Variants in SPATA6 observed in about 807,000 individuals in gnomAD.
SPATA6 encodes the protein spermatogenesis associated 6.
A neutral mutation model predicts 65.3 loss-of-function variants in SPATA6; 56 were observed. The observed-to-expected ratio is 0.86, with a 90% confidence interval of 0.69 to 1.07. The LOEUF is 1.07. Ranked by LOEUF, SPATA6 falls within the 50% of genes least tolerant of loss-of-function variation. SPATA6 has a pLI of 0.00. For missense variants in SPATA6, 590 were observed against 594.8 expected, an observed-to-expected ratio of 0.99 and a Z score of 0.08; for synonymous variants, 199 against 213.2, an observed-to-expected ratio of 0.93 and a Z score of 0.58.
the SPATA6 span, among the ~76,000 whole-genome samples, chr1:48,273,250 C>T: frequency 6.6e-6 from 1 of 152,200 alleles, no homozygotes; most frequent in Admixed American, 6.5e-5. Context: ...TCAAGTTTTA[C>T]ATTTAAGTCA....
rs1162212985 is a variant in SPATA6, at chr1:48,355,714, T to C, written c.1150A>G (p.Lys384Glu). Residue 384 changes from lysine (K) to glutamate (E), a missense_variant, in exon 11 of 13, where the codon AAA becomes GAA. Transcript: ENST00000371847. ...SNCDEIHDRV[K>E]NVLKSHQAHQ... ...GCCTGATGTGATTTCAAGACATTTT[T>C]TACCCGGTCATGGATCTCATCGCAG... 1 of 1,613,194 alleles carries C rather than the reference T, an allele frequency of 6.2e-7. No homozygotes were observed. Among genetic ancestry groups the C allele is most frequent in the African/African-American group, 1.3e-5 (1 of 74,894 alleles).
chr1:48,373,582 C>T (rs1170870925), intron 9 of SPATA6, among the ~76,000 whole-genome samples: 1 of 152,178 alleles, frequency 6.6e-6, no homozygotes, highest in Non-Finnish European at 1.5e-5. Flanking sequence ...AGCAACGCCC[C>T]ACTCTACTGG....
chr1:48,334,765 T>C (rs1646013851), intron 11 of SPATA6, among the ~76,000 whole-genome samples: 1 of 152,084 alleles, frequency 6.6e-6, no homozygotes, highest in Non-Finnish European at 1.5e-5. Flanking sequence ...TTCAACATAG[T>C]ATTTTAAGTC....
At chr1:48,391,687 T>C (rs1035145543) in intron 8 of SPATA6, among the ~76,000 whole-genome samples, 4 of 152,198 alleles carry the variant, frequency 2.6e-5, no homozygotes, top group Non-Finnish European at 5.9e-5. Context: ...TCATGGCCCA[T>C]GGCTGTGAAG....
chr1:48,352,352 T>C (rs765933281), intron 11 of SPATA6, among the ~76,000 whole-genome samples: 3 of 152,082 alleles, frequency 2.0e-5, no homozygotes, highest in Admixed American at 6.6e-5. Flanking sequence ...ATATCATTTA[T>C]AGTAGTTTGT....
Position 48,352,084 on chromosome 1 carries a change from G to A in SPATA6, c.1194+3586C>T, listed in dbSNP as rs542145740. On this transcript the variant is annotated intron_variant, in intron 11 of 12. Coordinates refer to ENST00000371847, the MANE Select transcript of SPATA6 (RefSeq NM_019073.4). ...GGTATAATTGGACTTACAGTTCCAC[G>A]TGGCTGGGGAAGCCTCACAATCATG... is the stretch of plus-strand genomic sequence containing the variant. Among the ~76,000 whole-genome samples, 6 of 152,102 alleles carry A rather than the reference G, an allele frequency of 3.9e-5. No individual in the cohort carries two copies. In the South Asian group the frequency reaches 1.0e-3, roughly 26 times the overall value.
intron 8 of SPATA6, 99 bp from the exon 9 acceptor site, chr1:48,385,448 T>TTTCA (rs761769311): frequency 8.6e-6 from 9 of 1,045,448 alleles, no homozygotes; most frequent in Middle Eastern, 2.5e-4. Flanking sequence ...ACTCAGAATA[T>TTTCA]TTCAGAGATA....
chr1:48,411,336 C>A, intron 5 of SPATA6, 128 bp downstream of exon 5: 1 of 1,083,282 alleles, frequency 9.2e-7, no homozygotes, highest in Non-Finnish European at 1.2e-6. Context: ...ATTTAAACTA[C>A]AAAACAATTA....
At chr1:48,293,803 G>A (rs1300154819), downstream of SPATA6, among the ~76,000 whole-genome samples, 1 of 152,118 alleles carries the variant, frequency 6.6e-6, no homozygotes, top group Non-Finnish European at 1.5e-5. Context: ...GTAAATGCCA[G>A]TCTCTCCCCA....
intron 5 of SPATA6, among the ~76,000 whole-genome samples, chr1:48,409,985 C>T (rs781741491): frequency 2.6e-5 from 4 of 152,246 alleles, no homozygotes; most frequent in Non-Finnish European, 5.9e-5. Context: ...ACATTCAGCT[C>T]CTTGTTACTT....
intron 9 of SPATA6, among the ~76,000 whole-genome samples, chr1:48,381,805 T>C (rs1461168945): frequency 6.8e-6 from 1 of 147,092 alleles, no homozygotes; most frequent in Non-Finnish European, 1.5e-5. Context: ...GATAAACAAG[T>C]GAACAAAGGT....
intron 11 of SPATA6, chr1:48,325,275 T>A: frequency 2.1e-6 from 2 of 932,774 alleles, no homozygotes; most frequent in East Asian, 4.8e-5. Flanking sequence ...AAGCCACCAA[T>A]GAGTGCTGTC....
intron 9 of SPATA6, among the ~76,000 whole-genome samples, chr1:48,381,194 C>T (rs1648532710): frequency 6.6e-6 from 1 of 152,154 alleles, no homozygotes; most frequent in Admixed American, 6.5e-5. Context: ...CCACAGACAA[C>T]TACTCGTCTG....
chr1:48,445,255 T>C (rs190266191), intron 3 of SPATA6, among the ~76,000 whole-genome samples: 113 of 152,324 alleles, frequency 7.4e-4, no homozygotes, highest in African/African-American at 2.6e-3. Flanking sequence ...CATTCTGTGT[T>C]TAAATTTAAA....
At position 48,461,043 on chromosome 1, in the gene SPATA6, T is replaced by C. The variant is rs1042876258; in HGVS notation, c.52-7912A>G. ...AGTTCCAATACATATCTAATAGTAC[T>C]GCCAGAAGGTAAGACAGGAGAGAAC... On this transcript the variant is annotated intron_variant, in intron 1 of 12. Coordinates refer to ENST00000371847, the MANE Select transcript of SPATA6 (RefSeq NM_019073.4). 9.8e-5 allele frequency among the ~76,000 whole-genome samples: 15 copies of C among 152,288 alleles called. No homozygotes were observed. In the South Asian group the frequency reaches 3.1e-3, roughly 32 times the overall value.
At chr1:48,333,484 G>A (rs544572037) in intron 11 of SPATA6, among the ~76,000 whole-genome samples, 2 of 152,240 alleles carry the variant, frequency 1.3e-5, no homozygotes, top group African/African-American at 4.8e-5. Context: ...GTAATCATGT[G>A]AGTCAACTCT....
chr1:48,283,039 T>A, the SPATA6 span, among the ~76,000 whole-genome samples: 21 of 152,170 alleles, frequency 1.4e-4, no homozygotes, highest in Non-Finnish European at 2.6e-4. Flanking sequence ...TGTAGGGACG[T>A]GGGTGAAATT....
At chr1:48,393,064 A>G (rs960197411) in intron 8 of SPATA6, among the ~76,000 whole-genome samples, 27 of 152,168 alleles carry the variant, frequency 1.8e-4, no homozygotes, top group African/African-American at 6.5e-4. Flanking sequence ...AAATTGTTTC[A>G]GGCAACAGTA....
At chr1:48,437,185 G>C in intron 3 of SPATA6, 1 of 1,611,728 alleles carries the variant, frequency 6.2e-7, no homozygotes, top group Non-Finnish European at 8.5e-7. Flanking sequence ...GCCAGAATGT[G>C]ATTTTCCTGA....
Sources: allele counts gnomAD v4.1 joint callset (sites outside exome capture counted in the v4.1 genomes callset), GRCh38; gene constraint gnomAD v4.1.1; transcripts MANE v1.5; gene names NCBI Gene and HGNC (gene_info 2026-07-23, HGNC 2026-07-21).